RGS12: variants seen among roughly 807,000 people sequenced by gnomAD.
The protein encoded by RGS12 is regulator of G protein signaling 12.
A neutral mutation model predicts 120.1 loss-of-function variants in RGS12; 66 were observed. That is an observed-to-expected ratio of 0.55 (90% CI 0.45 to 0.67). The LOEUF (loss-of-function observed/expected upper bound fraction) is 0.67. RGS12 is among the 30% of genes least tolerant of loss of function. The probability of loss-of-function intolerance (pLI) is 0.00; values close to 1 mark genes in which losing one functional copy is unlikely to be tolerated. For missense variants in RGS12, 1,859 were observed against 1,957.7 expected, an observed-to-expected ratio of 0.95 and a Z score of 0.95; for synonymous variants, 827 against 804.7, an observed-to-expected ratio of 1.03 and a Z score of -0.47.
intron 13 of RGS12, among the ~76,000 whole-genome samples, chr4:3,424,825 C>A (rs1160024850): frequency 6.6e-6 from 1 of 152,268 alleles, no homozygotes; most frequent in African/African-American, 2.4e-5. Flanking sequence ...GGGGCAGTTC[C>A]TCTGCTTCCC....
chr4:3,379,860 G>C (rs1718084242), intron 3 of RGS12, among the ~76,000 whole-genome samples: 1 of 152,160 alleles, frequency 6.6e-6, no homozygotes, highest in African/African-American at 2.4e-5. Flanking sequence ...GGTTTGGGTG[G>C]TGACATAGCG....
At chr4:3,343,152 C>A in intron 3 of RGS12, 99 bp downstream of exon 3, 1 of 771,138 alleles carries the variant, frequency 1.3e-6, no homozygotes, top group South Asian at 1.6e-5. Flanking sequence ...TCCCTGTGGT[C>A]CCCTCCCCTC....
rs149366995 is a variant in RGS12, at chr4:3,389,561, G to C, written c.2020+3124G>C. On this transcript the variant is annotated intron_variant, in intron 4 of 17. Coordinates refer to ENST00000336727, the MANE Select transcript of RGS12 (RefSeq NM_001394154.1). This position sits in a 1 kb window ranked among gnomAD's most constrained non-coding sequence, Gnocchi z 5.2. Reference sequence around the variant, plus strand: ...TGGAGCCGCGGCCGCACAGAAGCCCGTTCTTGTGGCTTCCTCCGTTGGTCA... The same window carrying C: ...TGGAGCCGCGGCCGCACAGAAGCCCCTTCTTGTGGCTTCCTCCGTTGGTCA... Among the ~76,000 whole-genome samples, 2 of 152,144 alleles carry C rather than the reference G, an allele frequency of 1.3e-5. No individual in the cohort carries two copies. The highest frequency in any genetic ancestry group is 2.9e-5 in the Non-Finnish European group (2 of 68,026).
chr4:3,396,244 C>G (rs1479921048), intron 4 of RGS12, among the ~76,000 whole-genome samples: 2 of 152,250 alleles, frequency 1.3e-5, no homozygotes, highest in African/African-American at 2.4e-5. Flanking sequence ...GTAGTTAAGC[C>G]TTTCTATACC....
At chr4:3,330,773 CCA>C (rs1711749317) in intron 2 of RGS12, among the ~76,000 whole-genome samples, 1 of 152,190 alleles carries the variant, frequency 6.6e-6, no homozygotes, top group East Asian at 1.9e-4. Flanking sequence ...TGTGGAGGCT[CCA>C]CCCTCCTCAG....
At chr4:3,427,439 T>C (rs1013782390) in intron 14 of RGS12, among the ~76,000 whole-genome samples, 7 of 152,210 alleles carry the variant, frequency 4.6e-5, no homozygotes, top group African/African-American at 1.7e-4. Context: ...AAGGCTGTAT[T>C]TGAAAATATG....
chr4:3,337,762 C>CGGT (rs1240284393), intron 2 of RGS12, among the ~76,000 whole-genome samples: 72 of 152,248 alleles, frequency 4.7e-4, no homozygotes, highest in African/African-American at 1.7e-3. Flanking sequence ...TTCTGGAGGA[C>CGGT]GGTGGTGATG....
intron 1 of RGS12, among the ~76,000 whole-genome samples, chr4:3,297,859 C>T (rs918879323): frequency 2.0e-5 from 3 of 152,140 alleles, no homozygotes; most frequent in African/African-American, 7.2e-5. Flanking sequence ...GCTCACTCCT[C>T]GTTTTGCTGA....
intron 2 of RGS12, among the ~76,000 whole-genome samples, chr4:3,332,944 GCCT>G (rs1035126640): frequency 2.0e-5 from 3 of 152,022 alleles, no homozygotes; most frequent in African/African-American, 7.3e-5. Flanking sequence ...TGCTGCCTCA[GCCT>G]CCCGAGTAGC....
intron 1 of RGS12, among the ~76,000 whole-genome samples, chr4:3,294,271 C>T (rs1723240800): frequency 6.6e-6 from 1 of 152,348 alleles, no homozygotes; most frequent in Middle Eastern, 3.4e-3. Flanking sequence ...GGGGGGCCTT[C>T]CCAGGCAAGG....
intron 4 of RGS12, among the ~76,000 whole-genome samples, chr4:3,409,146 C>T (rs137858280): frequency 1.1e-3 from 160 of 152,330 alleles, no homozygotes; most frequent in African/African-American, 3.8e-3. Context: ...TGCTCTCTGC[C>T]GTGCTCCTCT....
At chr4:3,305,782 CTGA>C (rs1390729060) in intron 1 of RGS12, among the ~76,000 whole-genome samples, 2 of 152,252 alleles carry the variant, frequency 1.3e-5, no homozygotes, top group African/African-American at 4.8e-5. Flanking sequence ...TGATTTGGGA[CTGA>C]TAACTGTCCC....
chr4:3,373,063 C>G (rs1037405719), intron 3 of RGS12, among the ~76,000 whole-genome samples: 1 of 152,038 alleles, frequency 6.6e-6, no homozygotes, highest in Non-Finnish European at 1.5e-5. Flanking sequence ...CAGCGAGGCT[C>G]GAGGCAGACA....
intron 3 of RGS12, among the ~76,000 whole-genome samples, chr4:3,351,463 C>T (rs1360348026): frequency 1.3e-5 from 2 of 151,992 alleles, no homozygotes; most frequent in Non-Finnish European, 2.9e-5. Context: ...AATTGTTAGA[C>T]AAACCTAAAT....
At chr4:3,388,478 G>T (rs1719100388) in intron 4 of RGS12, among the ~76,000 whole-genome samples, 1 of 152,234 alleles carries the variant, frequency 6.6e-6, no homozygotes, top group African/African-American at 2.4e-5. Context: ...GAGGCAGAGT[G>T]GGGAGATCCA....
chr4:3,303,944 A>G (rs1416058499), intron 1 of RGS12, among the ~76,000 whole-genome samples: 1 of 152,180 alleles, frequency 6.6e-6, no homozygotes, highest in Non-Finnish European at 1.5e-5. Context: ...CATGTTTGCC[A>G]TACTTCTGAA....
intron 3 of RGS12, among the ~76,000 whole-genome samples, chr4:3,377,604 T>TC (rs1717831567): frequency 6.6e-6 from 1 of 152,236 alleles, no homozygotes; most frequent in African/African-American, 2.4e-5. Flanking sequence ...TTTTAATAAT[T>TC]CCTTTTGTCT....
intron 7 of RGS12, 115 bp downstream of exon 7, chr4:3,416,236 C>G (rs557393742): frequency 1.9e-5 from 23 of 1,216,968 alleles, no homozygotes; most frequent in Non-Finnish European, 2.6e-5. Flanking sequence ...GCATCACAGA[C>G]GCAGGTAGAG....
At chr4:3,330,505 G>C (rs1430306008) in intron 2 of RGS12, among the ~76,000 whole-genome samples, 2 of 152,184 alleles carry the variant, frequency 1.3e-5, no homozygotes, top group African/African-American at 4.8e-5. Flanking sequence ...GAAGAATTGT[G>C]ATCCAGGATC....
Sources: gnomAD v4.1 joint callset for allele counts (sites outside exome capture counted in the v4.1 genomes callset) on GRCh38, gnomAD v4.1.1 for gene constraint, Gnocchi (gnomAD v3.1) non-coding constraint, MANE v1.5 for transcripts, NCBI Gene and HGNC (gene_info 2026-07-23, HGNC 2026-07-21) for gene names.